DEPDC5: variants seen among roughly 807,000 people sequenced by gnomAD.
DEPDC5 encodes GATOR1 complex protein DEPDC5.
A neutral mutation model predicts 217.3 loss-of-function variants in DEPDC5; 73 were observed. The observed-to-expected ratio is 0.34, with a 90% CI of 0.28 to 0.41. The LOEUF is 0.41. Ranked by LOEUF, DEPDC5 falls within the 10% of genes least tolerant of loss-of-function variation. The pLI, the probability that DEPDC5 is intolerant of heterozygous loss-of-function variation, is 1.00. For missense variants in DEPDC5, 1,675 were observed against 2,070.1 expected (o/e 0.81, Z 3.70); for synonymous variants, 733 against 756.7 (o/e 0.97, Z 0.51).
intron 33 of DEPDC5, among the ~76,000 whole-genome samples, chr22:31,862,978 A>T (rs528087142): frequency 1.9e-4 from 29 of 152,078 alleles, no homozygotes; most frequent in African/African-American, 6.7e-4. Flanking sequence ...CAGCGTCCCA[A>T]GTAGCTGGGA....
At chr22:31,767,451 G>A (rs973647977) in intron 6 of DEPDC5, among the ~76,000 whole-genome samples, 1 of 151,912 alleles carries the variant, frequency 6.6e-6, no homozygotes, top group African/African-American at 2.4e-5. Context: ...ATGCACCACC[G>A]CACCTGGCTA....
chr22:31,843,862 G>A, intron 29 of DEPDC5, 50 bp downstream of exon 29: 1 of 1,527,514 alleles, frequency 6.5e-7, no homozygotes, highest in Non-Finnish European at 8.9e-7. Flanking sequence ...GGGCAAGGAT[G>A]TGTATGTGTA....
intron 12 of DEPDC5, among the ~76,000 whole-genome samples, chr22:31,795,305 G>A (rs1023966941): frequency 6.6e-6 from 1 of 151,808 alleles, no homozygotes; most frequent in Non-Finnish European, 1.5e-5. Flanking sequence ...CCTGACCTCA[G>A]GTGATCCACC....
At chr22:31,846,721 C>G in intron 30 of DEPDC5, 113 bp from the exon 31 acceptor site, 1 of 1,481,466 alleles carries the variant, frequency 6.8e-7, no homozygotes, top group Non-Finnish European at 9.3e-7. Context: ...GTTCCTTGAC[C>G]CTGTCCATGG....
At chr22:31,867,935 C>T (rs2092732223) in intron 33 of DEPDC5, among the ~76,000 whole-genome samples, 2 of 152,168 alleles carry the variant, frequency 1.3e-5, no homozygotes, top group Admixed American at 1.3e-4. Flanking sequence ...AAGAGCCACT[C>T]TTATATGCAT....
intron 20 of DEPDC5, chr22:31,814,694 T>G (rs1602095076): frequency 2.9e-5 from 11 of 384,288 alleles, no homozygotes; most frequent in Admixed American, 1.6e-4. Context: ...TCATTCTGTT[T>G]TTAGTGATGA....
chr22:31,834,013 A>G lies in DEPDC5; in HGVS notation c.2170+33A>G, dbSNP rs1172948195. On this transcript the variant is annotated intron_variant, in intron 25 of 42. Coordinates refer to ENST00000651528, the MANE Select transcript of DEPDC5 (RefSeq NM_001242896.3). ...GGGGCAGCTGACTGGGGAAAGGGGT[A>G]GACAGGGAGTGTGGGGTGGTCAGAG... The G allele has an allele frequency of 9.3e-6, 15 of 1,605,374 alleles. No homozygotes were observed. The East Asian group carries it at 3.3e-4, about 36-fold the overall frequency.
At chr22:31,761,265 GCCA>G (rs1389083160) in intron 4 of DEPDC5, among the ~76,000 whole-genome samples, 1 of 152,142 alleles carries the variant, frequency 6.6e-6, no homozygotes, top group Non-Finnish European at 1.5e-5. Flanking sequence ...ACAGGCGTGA[GCCA>G]CCACACCCAG....
intron 35 of DEPDC5, 35 bp downstream of exon 35, chr22:31,873,367 T>TC: frequency 6.2e-7 from 1 of 1,601,910 alleles, no homozygotes; most frequent in Non-Finnish European, 8.5e-7. Flanking sequence ...GTTGGAAGGT[T>TC]CCCAGAAGCC....
chr22:31,860,774 A>G (rs1172649007), intron 32 of DEPDC5, among the ~76,000 whole-genome samples: 2 of 151,672 alleles, frequency 1.3e-5, no homozygotes, highest in African/African-American at 2.4e-5. Flanking sequence ...CTAAGCAAGA[A>G]CTTACCCTGC....
intron 32 of DEPDC5, 146 bp from the exon 33 acceptor site, chr22:31,861,222 T>G: frequency 1.8e-6 from 1 of 562,872 alleles, no homozygotes; most frequent in Non-Finnish European, 3.2e-6. Context: ...CATATGTCCT[T>G]GTTTCTCTCC....
chr22:31,844,140 C>T (rs2091568938), intron 29 of DEPDC5, among the ~76,000 whole-genome samples: 1 of 152,070 alleles, frequency 6.6e-6, no homozygotes, highest in Admixed American at 6.5e-5. Context: ...GCTGGAGAAT[C>T]GCTTGAACCC....
Position 31,797,846 on chromosome 22 carries a change from A to T in DEPDC5, c.871+143A>T, listed in dbSNP as rs955638195. ...TGGTCAGGGTTCTGTTTCCAGTTGGATCCAATTGTACATTTCGTATGCCGT... is the reference window on the plus strand; with the variant it reads ...TGGTCAGGGTTCTGTTTCCAGTTGGTTCCAATTGTACATTTCGTATGCCGT... On this transcript the variant is annotated intron_variant, in intron 13 of 42. Coordinates refer to ENST00000651528, the MANE Select transcript of DEPDC5 (RefSeq NM_001242896.3). 6.0e-6 allele frequency: 4 copies of T among 670,166 alleles called. No individual in the cohort carries two copies. In the African/African-American group the frequency reaches 7.2e-5, roughly 12 times the overall value. The allele number at this position is 670,166 out of a possible 1,614,324, so 41.5% of individuals were successfully genotyped here. A position where few individuals can be genotyped will look rare whatever the true frequency, so the allele number is the denominator to read the frequency against.
At chr22:31,792,649 T>A in intron 11 of DEPDC5, 96 bp from the exon 12 acceptor site, 1 of 888,552 alleles carries the variant, frequency 1.1e-6, no homozygotes, top group Non-Finnish European at 1.7e-6. Flanking sequence ...TATCTTTATT[T>A]TTTTGTGATG....
At chr22:31,880,330 A>C (rs1944939118) in intron 38 of DEPDC5, 1 of 157,106 alleles carries the variant, frequency 6.4e-6, no homozygotes, top group African/African-American at 2.4e-5. Flanking sequence ...AAAGGCAATG[A>C]CCTCTGATAG....
At chr22:31,763,859 AAAG>A in intron 4 of DEPDC5, among the ~76,000 whole-genome samples, 1 of 152,242 alleles carries the variant, frequency 6.6e-6, no homozygotes, top group Middle Eastern at 3.4e-3. Flanking sequence ...AAAAAAATTT[AAAG>A]TTTTCATTTT....
chr22:31,766,791 G>A, intron 6 of DEPDC5, 123 bp downstream of exon 6: 1 of 787,422 alleles, frequency 1.3e-6, no homozygotes, highest in Admixed American at 2.6e-5. Context: ...GACAATTATT[G>A]TCAACGTCTT....
chr22:31,853,023 G>C (rs1446974004), intron 31 of DEPDC5: 1 of 152,214 alleles, frequency 6.6e-6, no homozygotes, highest in Non-Finnish European at 1.5e-5. Flanking sequence ...AAGATAACTG[G>C]GATAGGTTGG....
chr22:31,819,650 A>G (rs1211711995), intron 22 of DEPDC5, among the ~76,000 whole-genome samples: 1 of 151,426 alleles, frequency 6.6e-6, no homozygotes, highest in Non-Finnish European at 1.5e-5. Context: ...TTGTATTTTT[A>G]GTAGAGACAG....
Sources: gnomAD v4.1 joint callset for allele counts (sites outside exome capture counted in the v4.1 genomes callset) on GRCh38, gnomAD v4.1.1 for gene constraint, MANE v1.5 for transcripts, NCBI Gene and HGNC (gene_info 2026-07-23, HGNC 2026-07-21) for gene names.